Variants in PTPRN2 observed in about 807,000 individuals in gnomAD.
PTPRN2 encodes the protein receptor-type tyrosine-protein phosphatase N2.
Under a neutral mutation model 118.8 loss-of-function variants are expected in PTPRN2, and 74 were observed. The ratio of observed to expected loss-of-function variants is 0.62; its 90% confidence interval spans 0.52 to 0.76. PTPRN2 has a LOEUF of 0.76. PTPRN2 is among the 30% of genes least tolerant of loss of function. The pLI, the probability that PTPRN2 is intolerant of heterozygous loss-of-function variation, is 0.00. For synonymous variants in PTPRN2, 641 were observed against 608.0 expected (o/e 1.05, Z -0.80); for missense variants, 1,481 against 1,394.4 (o/e 1.06, Z -0.99).
chr7:157,982,462 A>G (rs1287976410), intron 11 of PTPRN2, among the ~76,000 whole-genome samples: 1 of 128,650 alleles, frequency 7.8e-6, no homozygotes, highest in Non-Finnish European at 1.6e-5. Context: ...GTCCCCCCAA[A>G]CCCTGAGTCA....
chr7:158,412,649 A>C (rs1392296959), intron 2 of PTPRN2, among the ~76,000 whole-genome samples: 2 of 49,594 alleles, frequency 4.0e-5, no homozygotes, highest in Non-Finnish European at 3.6e-5. Flanking sequence ...ACCCTCCTCA[A>C]CACCAGGGCC....
intron 11 of PTPRN2, among the ~76,000 whole-genome samples, chr7:157,906,111 G>T (rs962387238): frequency 1.3e-5 from 2 of 152,230 alleles, no homozygotes; most frequent in Non-Finnish European, 2.9e-5. Context: ...CCACTGGTCA[G>T]GATTCCCCGT....
Position 157,780,025 on chromosome 7 carries a change from C to T in PTPRN2, c.1789-97088G>A, listed in dbSNP as rs1803579806. The stretch of plus-strand genomic sequence containing the variant: ...TCCATGGAGAGTAGGATTTTACACA[C>T]TTATTGATGAACTGCTATGAGTTTT... On this transcript the variant is annotated intron_variant, in intron 12 of 22. Transcript: ENST00000389418. This position sits in a 1 kb window ranked among gnomAD's most constrained non-coding sequence, Gnocchi z 4.5. Among the ~76,000 whole-genome samples the T allele has an allele frequency of 6.6e-6, 1 of 152,208 alleles. No homozygotes were observed. The highest frequency in any genetic ancestry group is 2.4e-5 in the African/African-American group (1 of 41,444).
At chr7:158,251,567 T>C (rs1196197644) in intron 3 of PTPRN2, among the ~76,000 whole-genome samples, 7 of 118,218 alleles carry the variant, frequency 5.9e-5, no homozygotes, top group Admixed American at 9.9e-5. Flanking sequence ...GCCTGTGGGG[T>C]GTGTGCAGGT....
Position 158,444,712 on chromosome 7 carries a change from T to A in PTPRN2, c.163+45023A>T, listed in dbSNP as rs531076875. On this transcript the variant is annotated intron_variant, in intron 2 of 22. Transcript: ENST00000389418. ...CCTGTGGAATCCAACCGAGATGGCC[T>A]CAGCCTGTCTCCCTTTCCTCGTCCT... Among the ~76,000 whole-genome samples the A allele has an allele frequency of 2.0e-5, 3 of 152,296 alleles. No homozygotes were observed. In the South Asian group the frequency reaches 6.2e-4, roughly 32 times the overall value.
chr7:157,736,882 A>G (rs969667181), intron 12 of PTPRN2, among the ~76,000 whole-genome samples: 10 of 152,196 alleles, frequency 6.6e-5, no homozygotes, highest in African/African-American at 2.2e-4. Flanking sequence ...TTTTGGAGCC[A>G]AGGGGTAACA....
intron 5 of PTPRN2, among the ~76,000 whole-genome samples, chr7:158,189,124 C>T (rs751881441): frequency 6.6e-6 from 1 of 152,208 alleles, no homozygotes; most frequent in Non-Finnish European, 1.5e-5. Context: ...CTACCAAAGA[C>T]CTTCACTCTC....
chr7:158,163,999 T>A (rs991224831), intron 6 of PTPRN2, among the ~76,000 whole-genome samples: 1 of 152,238 alleles, frequency 6.6e-6, no homozygotes, highest in African/African-American at 2.4e-5. Context: ...ACAGTGCAGT[T>A]TGGAAGTCAG....
intron 3 of PTPRN2, among the ~76,000 whole-genome samples, chr7:158,300,587 C>CCTCGCCCGCCACCCAGTCCCGCAGCGA (rs1800823268): frequency 6.6e-6 from 1 of 152,260 alleles, no homozygotes; most frequent in Non-Finnish European, 1.5e-5. Context: ...TCCCGCAGCG[C>CCTCGCCCGCCACCCAGTCCCGCAGCGA]CTCGCCCCCC....
intron 11 of PTPRN2, among the ~76,000 whole-genome samples, chr7:157,956,898 G>C (rs939029702): frequency 1.3e-5 from 2 of 152,220 alleles, no homozygotes; most frequent in Non-Finnish European, 2.9e-5. Flanking sequence ...CCAAGTAAAG[G>C]GTTCATTTAA....
At chr7:158,366,432 C>T (rs576866567) in intron 2 of PTPRN2, among the ~76,000 whole-genome samples, 18 of 151,680 alleles carry the variant, frequency 1.2e-4, no homozygotes, top group South Asian at 2.1e-4. Context: ...GCCCAATGCA[C>T]GCGTGCACAC....
At chr7:158,359,545 G>A (rs1007119755) in intron 2 of PTPRN2, among the ~76,000 whole-genome samples, 2 of 152,036 alleles carry the variant, frequency 1.3e-5, no homozygotes, top group Non-Finnish European at 2.9e-5. Context: ...TGCAGCCTGA[G>A]GACAACTTTC....
At chr7:158,489,275 G>T (rs554210287) in intron 2 of PTPRN2, among the ~76,000 whole-genome samples, 111 of 152,216 alleles carry the variant, frequency 7.3e-4, no homozygotes, top group African/African-American at 2.6e-3. Flanking sequence ...GTGAAACCCT[G>T]TCTCTACTAA....
intron 2 of PTPRN2, among the ~76,000 whole-genome samples, chr7:158,428,577 T>C (rs1267386022): frequency 6.6e-6 from 1 of 152,230 alleles, no homozygotes; most frequent in Non-Finnish European, 1.5e-5. Context: ...AATTTTCTTA[T>C]GTTCTTAAGA....
chr7:158,447,237 T>G (rs1817785770), intron 2 of PTPRN2, among the ~76,000 whole-genome samples: 1 of 152,178 alleles, frequency 6.6e-6, no homozygotes, highest in South Asian at 2.1e-4. Context: ...GGTGCCTCCC[T>G]GCAGCCTCCA....
At chr7:158,176,654 C>T (rs1343080589) in intron 5 of PTPRN2, among the ~76,000 whole-genome samples, 1 of 152,202 alleles carries the variant, frequency 6.6e-6, no homozygotes, top group Non-Finnish European at 1.5e-5. Context: ...CCAGGGGAGA[C>T]AGTCAGGATG....
chr7:157,773,785 C>T (rs1320005600), intron 12 of PTPRN2, among the ~76,000 whole-genome samples: 3 of 152,192 alleles, frequency 2.0e-5, no homozygotes, highest in African/African-American at 4.8e-5. Flanking sequence ...CTTGTGTCCG[C>T]CTCATCCAGT....
At position 158,270,770 on chromosome 7, in the gene PTPRN2, GTCCACCTGGACCACCCC is replaced by G. The variant is rs1403542542; in HGVS notation, c.277+46032_277+46048del. Among the ~76,000 whole-genome samples the G allele has an allele frequency of 8.5e-4, 67 of 78,606 alleles. 2 individuals carry two copies. Among genetic ancestry groups the G allele is most frequent in the Middle Eastern group, 9.1e-3 (1 of 110 alleles). 51.6% of individuals were successfully genotyped at this position (78,606 alleles called of 152,430 possible). On this transcript the variant is annotated intron_variant, in intron 3 of 22. Coordinates refer to ENST00000389418, the MANE Select transcript of PTPRN2 (RefSeq NM_002847.5). Reference sequence around the variant, plus strand: ...CCGTCTTCTCCACCTGGACCACCCCGTCCACCTGGACCACCCCTCCACCTGGACCACCCCCTCACCTG... The same window carrying G: ...CCGTCTTCTCCACCTGGACCACCCCGTCCACCTGGACCACCCCCTCACCTG...
At chr7:157,589,006 G>A (rs199879513) in intron 17 of PTPRN2, among the ~76,000 whole-genome samples, 1 of 152,116 alleles carries the variant, frequency 6.6e-6, no homozygotes, top group South Asian at 2.1e-4. Flanking sequence ...ACAGTGCAGC[G>A]GCAGTAAGGG....
Sources: allele counts gnomAD v4.1 joint callset (sites outside exome capture counted in the v4.1 genomes callset), GRCh38; gene constraint gnomAD v4.1.1; non-coding constraint Gnocchi (gnomAD v3.1); transcripts MANE v1.5; gene names NCBI Gene and HGNC (gene_info 2026-07-23, HGNC 2026-07-21).